Variants in RPS19 observed in about 807,000 individuals in gnomAD.
The protein encoded by RPS19 is small ribosomal subunit protein eS19.
A neutral mutation model predicts 20.3 loss-of-function variants in RPS19; 1 was observed. That is an observed-to-expected ratio of 0.05 (90% CI 0.02 to 0.23). The LOEUF (loss-of-function observed/expected upper bound fraction) is 0.23, where lower values mean the gene tolerates loss of function less well. Ranked by LOEUF, RPS19 falls within the 10% of genes least tolerant of loss-of-function variation. RPS19 has a pLI of 1.00. For synonymous variants in RPS19, 87 were observed against 74.8 expected (o/e 1.16, Z -0.84); for missense variants, 111 against 192.7 (o/e 0.58, Z 2.51).
At chr19:41,869,271 T>C (rs2074121162) in intron 4 of RPS19, 57 bp downstream of exon 4, 1 of 1,485,640 alleles carries the variant, frequency 6.7e-7, no homozygotes, top group Admixed American at 1.8e-5. Context: ...CGGTCATCAA[T>C]TCCCCAACGA....
intron 3 of RPS19, among the ~76,000 whole-genome samples, chr19:41,861,981 G>C (rs1421958249): frequency 6.6e-6 from 1 of 152,302 alleles, no homozygotes; most frequent in African/African-American, 2.4e-5. Context: ...ATGTAACAGG[G>C]TGGGCGGTGG....
rs781860325 is a variant in RPS19 at position 41,869,113 on chromosome 19, C to T, written c.255C>T (p.Asn85=). 29 of 1,613,712 alleles carry T rather than the reference C, an allele frequency of 1.8e-5. No homozygotes were observed. The East Asian group carries it at 2.7e-4, about 15-fold the overall frequency. The change falls in exon 4 of 6, where the codon AAC becomes AAT. Residue 85 remains asparagine, a synonymous_variant. Coordinates refer to ENST00000598742, the MANE Select transcript of RPS19 (RefSeq NM_001022.4). ...MTKIYGGRQR[N]GVMPSHFSRG... is the part of the protein sequence containing the mutation. ...AGATCTATGGGGGACGTCAGAGAAA[C>T]GGCGTCATGCCCAGCCACTTCAGCC...
intron 3 of RPS19, among the ~76,000 whole-genome samples, chr19:41,868,590 A>G (rs535421546): frequency 1.3e-5 from 2 of 152,238 alleles, no homozygotes; most frequent in Non-Finnish European, 2.9e-5. Context: ...GCTGGTACAC[A>G]TTCCAAGCAG....
intron 2 of RPS19, 64 bp from the exon 3 acceptor site, chr19:41,861,048 T>C (rs1321089515): frequency 1.5e-6 from 2 of 1,304,724 alleles, no homozygotes; most frequent in Admixed American, 3.4e-5. Context: ...GGGGAGGGCA[T>C]TTGGGATATG....
chr19:41,870,183 G>A (rs1419243781), intron 5 of RPS19, among the ~76,000 whole-genome samples: 2 of 151,870 alleles, frequency 1.3e-5, no homozygotes, highest in Non-Finnish European at 2.9e-5. Flanking sequence ...TGGAGGCTGC[G>A]GTGAGCCAAG....
At chr19:41,860,941 T>C (rs1263153480) in intron 2 of RPS19, 96 bp downstream of exon 2, 16 of 1,230,764 alleles carry the variant, frequency 1.3e-5, no homozygotes, top group Non-Finnish European at 1.9e-5. Context: ...CAGGCGAGGC[T>C]TGTTTGGGGC....
At position 41,871,743 on chromosome 19, in the gene RPS19, A is replaced by T. The variant is rs1266243282; in HGVS notation, c.*366A>T. 1 of 293,178 alleles carries T rather than the reference A, an allele frequency of 3.4e-6. No homozygotes were observed. Among genetic ancestry groups the T allele is most frequent in the Non-Finnish European group, 6.6e-6 (1 of 151,904 alleles). The allele number at this position is 293,178 out of a possible 1,614,324, so 18.2% of individuals were successfully genotyped here. A position where few individuals can be genotyped will look rare whatever the true frequency, so the allele number is the denominator to read the frequency against. On this transcript the variant is annotated 3_prime_UTR_variant, in exon 6 of 6. Coordinates refer to ENST00000598742, the MANE Select transcript of RPS19 (RefSeq NM_001022.4). Reference sequence around the variant, plus strand: ...CCATCTGGGTTTGGAGGAAGGACCCAGGGGCCCTTGTGGCTCACTCCCCCA... The same window carrying T: ...CCATCTGGGTTTGGAGGAAGGACCCTGGGGCCCTTGTGGCTCACTCCCCCA...
intron 3 of RPS19, among the ~76,000 whole-genome samples, chr19:41,865,762 C>G (rs868944207): frequency 1.0e-4 from 15 of 150,558 alleles, no homozygotes; most frequent in Admixed American, 4.0e-4. Flanking sequence ...TCCTGGCTAA[C>G]ATGGTGAAAC....
intron 3 of RPS19, among the ~76,000 whole-genome samples, chr19:41,863,173 C>T (rs782531664): frequency 1.1e-4 from 17 of 152,146 alleles, no homozygotes; most frequent in Non-Finnish European, 2.2e-4. Flanking sequence ...GCCTATCAGT[C>T]ACCATGCCTA....
chr19:41,866,445 T>A (rs941783897), intron 3 of RPS19, among the ~76,000 whole-genome samples: 6 of 152,150 alleles, frequency 3.9e-5, no homozygotes, highest in Non-Finnish European at 8.8e-5. Context: ...GTGATGTCAC[T>A]CTCTGGCAGG....
In RPS19 at chr19:41,871,472, A is replaced by C. The variant is rs1354053108; in HGVS notation, c.*95A>C. On this transcript the variant is annotated 3_prime_UTR_variant, in exon 6 of 6. Transcript: ENST00000598742. ...TGCTCTGTCGCCCAGGCTGGAGTGC[A>C]GTGGCGCCATCTCAGCTCACTGCAA... 23 of 1,089,630 alleles carry C rather than the reference A, an allele frequency of 2.1e-5. No individual in the cohort carries two copies. Among genetic ancestry groups the C allele is most frequent in the Non-Finnish European group, 3.2e-5 (23 of 709,820 alleles). 67.5% of individuals were successfully genotyped at this position (1,089,630 alleles called of 1,614,324 possible). A position where few individuals can be genotyped will look rare whatever the true frequency, so the allele number is the denominator to read the frequency against.
Position 41,869,230 on chromosome 19 carries a change from G to A in RPS19, c.356+16G>A. ...ACCAAGATGGGTAAGCAGGGTAGAG[G>A]GGGCTGCATTGATGGAGTAGCCTTG... On this transcript the variant is annotated intron_variant, in intron 4 of 5. Transcript: ENST00000598742. 1.2e-6 allele frequency: 2 copies of A among 1,609,324 alleles called. No homozygotes were observed. The highest frequency in any genetic ancestry group is 1.7e-6 in the Non-Finnish European group (2 of 1,177,082).
intron 1 of RPS19, chr19:41,860,546 C>T (rs1448285037): frequency 1.7e-5 from 10 of 581,328 alleles, no homozygotes; most frequent in South Asian, 5.7e-5. Flanking sequence ...CGCGCAGGAT[C>T]CTCACACGCA....
intron 3 of RPS19, among the ~76,000 whole-genome samples, chr19:41,868,065 A>G (rs1006521578): frequency 2.0e-5 from 3 of 152,134 alleles, no homozygotes; most frequent in Admixed American, 6.6e-5. Context: ...AGAACCCCCA[A>G]TTCCCCCACT....
rs1461285861 is a variant in RPS19, at chr19:41,871,968, C to CT, written c.*592dup. ...CAAACTGACCTGTGCTGCCTACACA[C>CT]TAACTTTCCTGGGCCTGGGGCCTGC... is the stretch of plus-strand genomic sequence containing the variant. On this transcript the variant is annotated 3_prime_UTR_variant, in exon 6 of 6. Coordinates refer to ENST00000598742, the MANE Select transcript of RPS19 (RefSeq NM_001022.4). 4 of 157,742 alleles carry CT rather than the reference C, an allele frequency of 2.5e-5. No homozygotes were observed. Among genetic ancestry groups the CT allele is most frequent in the African/African-American group, 7.2e-5 (3 of 41,516 alleles). The allele number at this position is 157,742 out of a possible 1,614,324, so 9.8% of individuals were successfully genotyped here. A position where few individuals can be genotyped will look rare whatever the true frequency, so the allele number is the denominator to read the frequency against.
At chr19:41,862,066 A>G (rs868986209) in intron 3 of RPS19, among the ~76,000 whole-genome samples, 7 of 152,102 alleles carry the variant, frequency 4.6e-5, no homozygotes, top group Middle Eastern at 6.8e-3. Context: ...CCAATCTTAA[A>G]CCTTCTCTCT....
chr19:41,860,513 G>A (rs1020297722), intron 1 of RPS19: 19 of 526,642 alleles, frequency 3.6e-5, no homozygotes, highest in African/African-American at 3.5e-4. Flanking sequence ...GGCGTCCGGA[G>A]TCCCGGGGCT....
chr19:41,869,319 C>A, intron 4 of RPS19, 105 bp downstream of exon 4: 1 of 1,066,698 alleles, frequency 9.4e-7, no homozygotes, highest in African/African-American at 1.6e-5. Flanking sequence ...TCAGGCCCCT[C>A]CTATCAGAGG....
rs1242850527 is a variant in RPS19 at position 41,869,770 on chromosome 19, G to A, written c.411+17G>A. ...GCCGGACAGGTAAGGCCTGCGTTTG[G>A]GGTGGGGCTGGGTCCCTTAGTCGCT... is the stretch of plus-strand genomic sequence containing the variant. On this transcript the variant is annotated intron_variant, in intron 5 of 5. Transcript: ENST00000598742. 5 of 1,613,092 alleles carry A rather than the reference G, an allele frequency of 3.1e-6. No homozygotes were observed. In the African/African-American group the frequency reaches 5.3e-5, roughly 17 times the overall value.
Sources: allele counts gnomAD v4.1 joint callset (sites outside exome capture counted in the v4.1 genomes callset), GRCh38; gene constraint gnomAD v4.1.1; transcripts MANE v1.5; gene names NCBI Gene and HGNC (gene_info 2026-07-23, HGNC 2026-07-21).